The following FMN1 variants were observed in gnomAD, a reference collection of about 807,000 sequenced individuals.
FMN1 encodes the protein formin 1.
In FMN1, 110 loss-of-function variants were observed where a neutral mutation model predicts 132.4. The observed-to-expected ratio is 0.83, with a 90% CI of 0.71 to 0.97. The LOEUF (loss-of-function observed/expected upper bound fraction) is 0.97. Ranked by LOEUF, FMN1 falls within the 50% of genes least tolerant of loss-of-function variation. The pLI is 0.00. For missense variants in FMN1, 1,792 were observed against 1,705.3 expected, an observed-to-expected ratio of 1.05 and a Z score of -0.90; for synonymous variants, 722 against 651.7, an observed-to-expected ratio of 1.11 and a Z score of -1.64.
intron 6 of FMN1, chr15:33,063,047 A>T (rs2037558172): frequency 6.6e-6 from 1 of 152,126 alleles, no homozygotes; most frequent in Admixed American, 6.5e-5. Flanking sequence ...GTCTGTGCAG[A>T]TTCTTCTCCA....
chr15:32,808,510 G>C (rs2057760306), intron 17 of FMN1, among the ~76,000 whole-genome samples: 2 of 152,202 alleles, frequency 1.3e-5, no homozygotes, highest in African/African-American at 4.8e-5. Flanking sequence ...TAGCATAGAG[G>C]AAAGAGCTTG....
At chr15:32,937,045 C>A (rs1048776343) in intron 9 of FMN1, among the ~76,000 whole-genome samples, 5 of 152,156 alleles carry the variant, frequency 3.3e-5, no homozygotes, top group African/African-American at 1.2e-4. Flanking sequence ...GAGCATTGGA[C>A]GGATGCTCCG....
chr15:33,121,015 G>C (rs1962501534), intron 4 of FMN1, among the ~76,000 whole-genome samples: 1 of 151,994 alleles, frequency 6.6e-6, no homozygotes, highest in African/African-American at 2.4e-5. Flanking sequence ...TTAATTATAG[G>C]ATAGTACTCT....
intron 4 of FMN1, among the ~76,000 whole-genome samples, chr15:33,133,145 C>T (rs1028997140): frequency 6.6e-6 from 1 of 152,240 alleles, no homozygotes; most frequent in African/African-American, 2.4e-5. Context: ...CAACAGTTAA[C>T]TCACAAGGAA....
At chr15:32,862,163 C>T (rs1382658820) in intron 16 of FMN1, among the ~76,000 whole-genome samples, 6 of 151,984 alleles carry the variant, frequency 3.9e-5, no homozygotes, top group Non-Finnish European at 5.9e-5. Context: ...ATGATGACAC[C>T]GGAGACTGGC....
chr15:33,124,662 A>G (rs1268608223), intron 4 of FMN1, among the ~76,000 whole-genome samples: 2 of 152,130 alleles, frequency 1.3e-5, no homozygotes, highest in Admixed American at 6.5e-5. Flanking sequence ...TTTTCAATAA[A>G]AATATCTGAG....
At position 33,005,679 on chromosome 15, in the gene FMN1, TAC is replaced by T. The variant is rs138513506; in HGVS notation, c.2223+2333_2223+2334del. ...TGTCAAAGCCCTCGCCAGGCTGGTCTACAGTTTGTGGAAAGCTAGGGTTAACT... is the reference window on the plus strand; with the variant it reads ...TGTCAAAGCCCTCGCCAGGCTGGTCTAGTTTGTGGAAAGCTAGGGTTAACT... On this transcript the variant is annotated intron_variant, in intron 7 of 20. Transcript: ENST00000616417. Among the ~76,000 whole-genome samples the T allele has an allele frequency of 4.1e-3, 632 of 152,326 alleles. 7 individuals carry two copies. The highest frequency in any genetic ancestry group is 0.015 in the African/African-American group (607 of 41,572).
chr15:33,025,278 C>T (rs531602013), intron 6 of FMN1, among the ~76,000 whole-genome samples: 38 of 152,148 alleles, frequency 2.5e-4, no homozygotes, highest in African/African-American at 9.2e-4. Flanking sequence ...TATCCCTCTA[C>T]CAGAAATAGA....
intron 2 of FMN1, among the ~76,000 whole-genome samples, chr15:33,182,345 A>C (rs1798891852): frequency 6.6e-6 from 1 of 152,182 alleles, no homozygotes; most frequent in Non-Finnish European, 1.5e-5. Context: ...TTTGAGAAAC[A>C]CTGTTCTAGA....
At chr15:33,127,585 T>TC (rs1245406285) in intron 4 of FMN1, among the ~76,000 whole-genome samples, 2 of 152,232 alleles carry the variant, frequency 1.3e-5, no homozygotes, top group Non-Finnish European at 2.9e-5. Context: ...TCTGTAAGCA[T>TC]CCTAAAGCTA....
At chr15:32,912,167 A>G (rs2060577293) in intron 10 of FMN1, among the ~76,000 whole-genome samples, 1 of 152,248 alleles carries the variant, frequency 6.6e-6, no homozygotes, top group African/African-American at 2.4e-5. Flanking sequence ...AATAATCTTA[A>G]CTAATGAGAA....
intron 11 of FMN1, 96 bp from the exon 12 acceptor site, chr15:32,908,674 G>A: frequency 1.4e-6 from 1 of 724,888 alleles, no homozygotes; most frequent in Non-Finnish European, 2.3e-6. Context: ...TCGAAGTGTG[G>A]TTCCTAGACT....
intron 4 of FMN1, among the ~76,000 whole-genome samples, chr15:33,146,229 T>C (rs1964215126): frequency 6.6e-6 from 1 of 152,130 alleles, no homozygotes; most frequent in Non-Finnish European, 1.5e-5. Flanking sequence ...CTTGAACAGC[T>C]CTTCAATACT....
chr15:32,809,194 A>G (rs2057786682), intron 17 of FMN1, among the ~76,000 whole-genome samples: 1 of 152,142 alleles, frequency 6.6e-6, no homozygotes, highest in African/African-American at 2.4e-5. Context: ...GATTAACTGG[A>G]TCACTTCCCC....
chr15:32,842,278 T>G (rs897611509), intron 17 of FMN1, among the ~76,000 whole-genome samples: 3 of 152,018 alleles, frequency 2.0e-5, no homozygotes, highest in Non-Finnish European at 2.9e-5. Context: ...GCACGGGCTC[T>G]CAGAGATGCC....
intron 17 of FMN1, among the ~76,000 whole-genome samples, chr15:32,825,625 G>A (rs1179729125): frequency 2.0e-5 from 3 of 152,186 alleles, no homozygotes; most frequent in East Asian, 1.9e-4. Context: ...TGTCTCTTGC[G>A]CTTGCTAATT....
chr15:33,039,020 C>T (rs1176382218), intron 6 of FMN1, among the ~76,000 whole-genome samples: 2 of 152,038 alleles, frequency 1.3e-5, no homozygotes, highest in Non-Finnish European at 1.5e-5. Flanking sequence ...AAACAGGCTC[C>T]CCAGATTATT....
At chr15:32,775,468 A>G (rs1250012566) in intron 20 of FMN1, among the ~76,000 whole-genome samples, 3 of 152,156 alleles carry the variant, frequency 2.0e-5, no homozygotes, top group Non-Finnish European at 4.4e-5. Flanking sequence ...TGGCTGTAAA[A>G]GTCTGGATAG....
chr15:32,879,323 C>T (rs1213690288), intron 16 of FMN1, among the ~76,000 whole-genome samples: 1 of 152,162 alleles, frequency 6.6e-6, no homozygotes, highest in African/African-American at 2.4e-5. Flanking sequence ...GCTAATGTAT[C>T]CAGTCTCGTA....
Sources: allele counts gnomAD v4.1 joint callset (sites outside exome capture counted in the v4.1 genomes callset), GRCh38; gene constraint gnomAD v4.1.1; transcripts MANE v1.5; gene names NCBI Gene and HGNC (gene_info 2026-07-23, HGNC 2026-07-21).